The following COL1A2 variants were observed in gnomAD, a reference collection of about 807,000 sequenced individuals.
COL1A2 encodes collagen alpha-2(I) chain.
Under a neutral mutation model 174.3 loss-of-function variants are expected in COL1A2, and 49 were observed. The ratio of observed to expected loss-of-function variants is 0.28; its 90% CI spans 0.22 to 0.36. The LOEUF is 0.36. Ranked by LOEUF, COL1A2 falls within the 10% of genes least tolerant of loss-of-function variation. The pLI is 1.00. For synonymous variants in COL1A2, 655 were observed against 606.6 expected (o/e 1.08, Z -1.17); for missense variants, 1,438 against 1,822.7 (o/e 0.79, Z 3.84).
intron 23 of COL1A2, among the ~76,000 whole-genome samples, chr7:94,411,401 T>C (rs370096632): frequency 4.6e-5 from 7 of 152,342 alleles, no homozygotes; most frequent in African/African-American, 1.7e-4. Flanking sequence ...TCTATTTTAA[T>C]ATATCCAAAT....
chr7:94,417,618 C>A, intron 31 of COL1A2, 106 bp from the exon 32 acceptor site: 1 of 950,472 alleles, frequency 1.1e-6, no homozygotes, highest in Non-Finnish European at 1.7e-6. Context: ...TCAAAGCAGG[C>A]AAGAAGCCTG....
chr7:94,401,709 C>T, intron 6 of COL1A2, 89 bp downstream of exon 6: 1 of 884,188 alleles, frequency 1.1e-6, no homozygotes, highest in South Asian at 1.4e-5. Context: ...TATTTAGCTA[C>T]CTAAGTTAAC....
rs121912908 is a variant in COL1A2, at chr7:94,420,233, G to A, written c.2080G>A (p.Gly694Ser). The A allele has an allele frequency of 6.2e-7, 1 of 1,613,324 alleles. No homozygotes were observed. Among genetic ancestry groups the A allele is most frequent in the East Asian group, 2.2e-5 (1 of 44,874 alleles). Residue 694 changes from glycine to serine, a missense_variant and splice_region_variant, in exon 35 of 52, where the codon GGC becomes AGC. This residue lies in a region of COL1A2 where 867 missense variants were observed against 1,213.7 expected (regional missense o/e 0.71). Coordinates refer to ENST00000297268, the MANE Select transcript of COL1A2 (RefSeq NM_000089.4). ...AGATTCATCTTTGGTCCCATTATAG[G>A]GCGAAGCTGGGGCTGCTGGTCCTGC... is the stretch of plus-strand genomic sequence containing the variant. Reference protein sequence around the residue: ...PGPAGATGDRGEAGAAGPAGP... With the variant: ...PGPAGATGDRSEAGAAGPAGP...
At chr7:94,397,961 A>G (rs1286588557) in intron 2 of COL1A2, among the ~76,000 whole-genome samples, 2 of 152,068 alleles carry the variant, frequency 1.3e-5, no homozygotes, top group Non-Finnish European at 2.9e-5. Context: ...GGGGCTACTG[A>G]ATAAGACTAG....
intron 16 of COL1A2, 66 bp from the exon 17 acceptor site, chr7:94,409,256 T>C (rs776783831): frequency 5.0e-5 from 68 of 1,360,346 alleles, no homozygotes; most frequent in Admixed American, 2.3e-4. Flanking sequence ...AAACTTGGCA[T>C]CTTAAAAACA....
At chr7:94,425,265 A>G (rs765217041) in intron 42 of COL1A2, 41 bp downstream of exon 42, 1 of 1,563,754 alleles carries the variant, frequency 6.4e-7, no homozygotes, top group Non-Finnish European at 8.8e-7. Context: ...ACTGAGCAGG[A>G]TTTCATTGTG....
chr7:94,424,489 T>C (rs763787228), intron 41 of COL1A2, 46 bp downstream of exon 41: 7 of 1,538,444 alleles, frequency 4.6e-6, no homozygotes, highest in Non-Finnish European at 6.3e-6. Flanking sequence ...AAGAAAAGAT[T>C]TTAAAAGCTG....
At chr7:94,407,821 C>CA in intron 12 of COL1A2, 26 bp from the exon 13 acceptor site, 1 of 1,611,398 alleles carries the variant, frequency 6.2e-7, no homozygotes. Flanking sequence ...ATTTAATGAA[C>CA]AAAAACTCAA....
intron 33 of COL1A2, 72 bp downstream of exon 33, chr7:94,418,624 C>G: frequency 8.5e-7 from 1 of 1,178,656 alleles, no homozygotes; most frequent in Non-Finnish European, 1.3e-6. Context: ...AGAAGTTTTC[C>G]AAATTAGAAC....
At chr7:94,401,746 A>C in intron 6 of COL1A2, 126 bp downstream of exon 6, 1 of 546,152 alleles carries the variant, frequency 1.8e-6, no homozygotes, top group South Asian at 2.3e-5. Context: ...ATATAAAAAC[A>C]ACTCTTTTTG....
At position 94,411,058 on chromosome 7, in the gene COL1A2, C is replaced by T; in HGVS notation, c.1254C>T (p.Gly418=). ...GTTTTTTTTTTTTTTTTGAATAGGG[C>T]CCTCCTGGTAGTCGTGGTGCAAGTG... ...PGADGRAGVM[G]PPGSRGASGP... The change falls in exon 23 of 52, where the codon GGC becomes GGT. Residue 418 remains glycine (G), a splice_region_variant and synonymous_variant. Transcript: ENST00000297268. 1.3e-6 allele frequency: 2 copies of T among 1,594,570 alleles called. No homozygotes were observed. Among genetic ancestry groups the T allele is most frequent in the Non-Finnish European group, 8.5e-7 (1 of 1,171,806 alleles).
rs376698697 is a variant in COL1A2, at chr7:94,420,254, C to G, written c.2101C>G (p.Pro701Ala). The change falls in exon 35 of 52, where the codon CCT (proline) becomes GCT (alanine). Residue 701 changes from proline to alanine, a missense_variant. Around this residue, in one of 3 missense-constraint regions of COL1A2, gnomAD observed 867 missense variants for 1,213.7 expected, o/e 0.71. Transcript: ENST00000297268. ...ATAGGGCGAAGCTGGGGCTGCTGGT[C>G]CTGCTGGTCCTGCTGGTCCTCGGGG... ...GDRGEAGAAG[P>A]AGPAGPRGSP... 2 of 1,613,568 alleles carry G rather than the reference C, an allele frequency of 1.2e-6. No homozygotes were observed. Among genetic ancestry groups the G allele is most frequent in the Non-Finnish European group, 1.7e-6 (2 of 1,180,034 alleles).
chr7:94,425,919 C>T, intron 44 of COL1A2, 62 bp downstream of exon 44: 2 of 1,605,306 alleles, frequency 1.2e-6, no homozygotes, highest in Non-Finnish European at 8.5e-7. Context: ...TCTGACTTCC[C>T]CACACTTGGG....
chr7:94,429,201 T>C lies in COL1A2; in HGVS notation c.3725T>C (p.Val1242Ala). Residue 1242 changes from valine to alanine, a missense_variant, in exon 51 of 52, where the codon GTA becomes GCA. By Grantham distance (64) the Val-to-Ala change is moderately conservative (BLOSUM62 0). This residue lies in a region of COL1A2 where 290 missense variants were observed against 298.1 expected (regional missense o/e 0.97). Coordinates refer to ENST00000297268, the MANE Select transcript of COL1A2 (RefSeq NM_000089.4). Reference sequence around the variant, plus strand: ...TATTTTCTGTAGTTTGAATATAATGTAGAAGGAGTGACTTCCAAGGAAATG... The same window carrying C: ...TATTTTCTGTAGTTTGAATATAATGCAGAAGGAGTGACTTCCAAGGAAATG... ...INAGSQFEYN[V>A]EGVTSKEMAT... The C allele has an allele frequency of 1.9e-6, 3 of 1,612,740 alleles. No individual in the cohort carries two copies. Among genetic ancestry groups the C allele is most frequent in the Non-Finnish European group, 2.5e-6 (3 of 1,179,046 alleles).
intron 2 of COL1A2, 81 bp downstream of exon 2, chr7:94,397,839 A>G: frequency 1.2e-6 from 1 of 833,290 alleles, no homozygotes. Context: ...GAAGGGAAGA[A>G]GTTACATTAA....
chr7:94,398,840 C>T (rs1791631346), intron 3 of COL1A2, among the ~76,000 whole-genome samples: 1 of 151,996 alleles, frequency 6.6e-6, no homozygotes, highest in South Asian at 2.1e-4. Context: ...ATAGCAGCTT[C>T]CAATCCTCCA....
intron 12 of COL1A2, among the ~76,000 whole-genome samples, chr7:94,407,117 G>T (rs746673050): frequency 6.6e-6 from 1 of 152,094 alleles, no homozygotes; most frequent in Non-Finnish European, 1.5e-5. Context: ...CTGAGGCTTC[G>T]TGAGAGCAAT....
intron 21 of COL1A2, 26 bp downstream of exon 21, chr7:94,410,553 C>G: frequency 2.0e-6 from 3 of 1,516,888 alleles, no homozygotes; most frequent in Non-Finnish European, 2.7e-6. Flanking sequence ...TCCCAACACC[C>G]TAACACACCA....
In COL1A2 at chr7:94,417,837, T is replaced by C. The variant is rs1345215762; in HGVS notation, c.1971+6T>C. On this transcript the variant is annotated splice_donor_region_variant and intron_variant, in intron 32 of 51. Transcript: ENST00000297268. ...CTGGAGGCAAGGGAGAAAAGGTACGTGTTGACCCCTATTACATATTGTTGA... is the reference window on the plus strand; with the variant it reads ...CTGGAGGCAAGGGAGAAAAGGTACGCGTTGACCCCTATTACATATTGTTGA... The C allele has an allele frequency of 3.8e-6, 6 of 1,581,724 alleles. No individual in the cohort carries two copies. The African/African-American group carries it at 6.7e-5, about 18-fold the overall frequency.
Sources: gnomAD v4.1 joint callset for allele counts (sites outside exome capture counted in the v4.1 genomes callset) on GRCh38, gnomAD v4.1.1 for gene constraint, gnomAD v4.1.1 regional missense constraint, MANE v1.5 for transcripts, NCBI Gene and HGNC (gene_info 2026-07-23, HGNC 2026-07-21) for gene names.